SLC67A1: variants seen among roughly 807,000 people sequenced by gnomAD.
SLC67A1 encodes solute carrier family 67 member 1, also known as solute carrier family 67 member A1.
chr11:2,901,091 C>A, the SLC67A1 span, among the ~76,000 whole-genome samples: 1 of 152,212 alleles, frequency 6.6e-6, no homozygotes. Context: ...ATTCCAGTTT[C>A]TAAGGCCAGC....
chr11:2,909,477 G>A, the SLC67A1 span: 4 of 1,437,590 alleles, frequency 2.8e-6, no homozygotes, highest in Non-Finnish European at 3.7e-6. Flanking sequence ...CTGGACGGGG[G>A]TGGGGGGCGA....
the SLC67A1 span, among the ~76,000 whole-genome samples, chr11:2,907,741 G>T: frequency 6.6e-6 from 1 of 152,148 alleles, no homozygotes; most frequent in Non-Finnish European, 1.5e-5. The surrounding 1 kb of genome is among the most constrained non-coding windows in gnomAD (Gnocchi z 6.7). Flanking sequence ...AGGATATAAG[G>T]GTGTCCCTGG....
At chr11:2,909,709 G>C in the SLC67A1 span, 2 of 1,519,772 alleles carry the variant, frequency 1.3e-6, no homozygotes, top group South Asian at 1.2e-5. Context: ...CTCCGCGTAC[G>C]GGTGAGTGGT....
At chr11:2,906,552 A>G in the SLC67A1 span, among the ~76,000 whole-genome samples, 1 of 152,222 alleles carries the variant, frequency 6.6e-6, no homozygotes. Flanking sequence ...AAAAAGGATG[A>G]GTTCATGTCC....
At chr11:2,919,537 T>C in the SLC67A1 span, 10 of 680,674 alleles carry the variant, frequency 1.5e-5, no homozygotes, top group East Asian at 2.7e-4. Context: ...CATGTCAGGG[T>C]CCACAGGGAA....
the SLC67A1 span, among the ~76,000 whole-genome samples, chr11:2,913,007 G>A: frequency 6.6e-6 from 1 of 152,154 alleles, no homozygotes; most frequent in Non-Finnish European, 1.5e-5. Flanking sequence ...GGATGGGAGG[G>A]GAGGTGAGCA....
At chr11:2,914,619 C>A in the SLC67A1 span, 1 of 783,906 alleles carries the variant, frequency 1.3e-6, no homozygotes, top group Non-Finnish European at 1.5e-6. Context: ...TTCCTGTTGC[C>A]CACAGCAGCA....
At chr11:2,911,684 TACTC>T in the SLC67A1 span, among the ~76,000 whole-genome samples, 1 of 152,130 alleles carries the variant, frequency 6.6e-6, no homozygotes, top group African/African-American at 2.4e-5. Flanking sequence ...CCCCTGCCCT[TACTC>T]ACCCACAACG....
chr11:2,915,746 G>A, the SLC67A1 span, among the ~76,000 whole-genome samples: 1 of 152,212 alleles, frequency 6.6e-6, no homozygotes, highest in African/African-American at 2.4e-5. Context: ...CAGGCCTGGA[G>A]GCCTTACAGA....
the SLC67A1 span, chr11:2,919,841 C>A: frequency 6.0e-6 from 1 of 166,560 alleles, no homozygotes; most frequent in Non-Finnish European, 1.3e-5. Context: ...AGAGGCCACG[C>A]TGTCATGGTA....
the SLC67A1 span, among the ~76,000 whole-genome samples, chr11:2,905,441 T>A: frequency 2.0e-5 from 3 of 152,202 alleles, no homozygotes. Context: ...GGAGGTTTTT[T>A]GTCCTTGCAA....
the SLC67A1 span, among the ~76,000 whole-genome samples, chr11:2,906,047 A>C: frequency 6.6e-6 from 1 of 152,214 alleles, no homozygotes; most frequent in East Asian, 1.9e-4. Flanking sequence ...TGGGGATGAG[A>C]AACTCAGCAT....
chr11:2,924,430 G>C, the SLC67A1 span, among the ~76,000 whole-genome samples: 1 of 152,142 alleles, frequency 6.6e-6, no homozygotes, highest in African/African-American at 2.4e-5. The surrounding 1 kb of genome is among the most constrained non-coding windows in gnomAD (Gnocchi z 8.6). Context: ...TGGGATGGGG[G>C]TGTCATGCCC....
At chr11:2,914,765 G>A in the SLC67A1 span, 1 of 985,454 alleles carries the variant, frequency 1.0e-6, no homozygotes, top group Non-Finnish European at 1.2e-6. Flanking sequence ...TGGCAAATAA[G>A]GCAGGTTTTG....
At chr11:2,908,232 GT>G in the SLC67A1 span, 4 of 1,613,034 alleles carry the variant, frequency 2.5e-6, no homozygotes, top group Middle Eastern at 1.7e-4. Context: ...CTGTGTTTCA[GT>G]ACCTGTCTCG....
the SLC67A1 span, among the ~76,000 whole-genome samples, chr11:2,908,664 G>A: frequency 6.6e-6 from 1 of 152,170 alleles, no homozygotes; most frequent in African/African-American, 2.4e-5. Context: ...TCAGTGCTGT[G>A]GGAACACTGA....
the SLC67A1 span, chr11:2,918,889 C>T: frequency 1.7e-4 from 30 of 180,440 alleles, no homozygotes; most frequent in East Asian, 4.8e-3. Flanking sequence ...GAGACAGGGT[C>T]TCACTATCTT....
At chr11:2,906,976 G>C in the SLC67A1 span, among the ~76,000 whole-genome samples, 122 of 152,166 alleles carry the variant, frequency 8.0e-4, 1 homozygote, top group East Asian at 0.02. Flanking sequence ...AGGGGAATGT[G>C]GGGTGATTGT....
the SLC67A1 span, chr11:2,915,299 G>A: frequency 5.5e-6 from 5 of 909,826 alleles, no homozygotes; most frequent in South Asian, 5.0e-5. Flanking sequence ...GTGTGTGTGC[G>A]CATGTGGCTG....
Sources: gnomAD v4.1 joint callset for allele counts (sites outside exome capture counted in the v4.1 genomes callset) on GRCh38, gnomAD v4.1.1 for gene constraint, Gnocchi (gnomAD v3.1) non-coding constraint, MANE v1.5 for transcripts, NCBI Gene and HGNC (gene_info 2026-07-23, HGNC 2026-07-21) for gene names.